Variants in SYNE1 observed in about 807,000 individuals in gnomAD.
SYNE1 encodes nesprin-1.
Under a neutral mutation model 1,111.0 loss-of-function variants are expected in SYNE1, and 616 were observed. The ratio of observed to expected loss-of-function variants is 0.55; its 90% CI spans 0.52 to 0.59. The LOEUF (loss-of-function observed/expected upper bound fraction) is 0.59, where lower values mean the gene tolerates loss of function less well. Ranked by LOEUF, SYNE1 falls within the 20% of genes least tolerant of loss-of-function variation. The probability of loss-of-function intolerance (pLI) is 0.00; values close to 1 mark genes in which losing one functional copy is unlikely to be tolerated. For synonymous variants in SYNE1, 3,855 were observed against 3,825.8 expected (o/e 1.01, Z -0.28); for missense variants, 10,006 against 10,417.0 (o/e 0.96, Z 1.72).
Position 152,456,270 on chromosome 6 carries a change from GT to G in SYNE1, c.2569-227del, listed in dbSNP as rs10714693. On this transcript the variant is annotated intron_variant, in intron 22 of 145. Coordinates refer to ENST00000367255, the MANE Select transcript of SYNE1 (RefSeq NM_182961.4). Reference sequence around the variant, plus strand: ...ATAAGGCATTTAAATGTTACAAAGAGTTTTTTTTTTTGAGATTTTTAAATAC... The same window carrying G: ...ATAAGGCATTTAAATGTTACAAAGAGTTTTTTTTTTGAGATTTTTAAATAC... Among the ~76,000 whole-genome samples, 75,087 of 148,588 alleles carry G rather than the reference GT, an allele frequency of 0.51. 19,862 individuals are homozygous for G. The highest frequency in any genetic ancestry group is 0.76 in the East Asian group (3,862 of 5,088).
intron 2 of SYNE1, among the ~76,000 whole-genome samples, 157 bp downstream of exon 2, chr6:152,636,481 C>A (rs1025513060): frequency 2.6e-5 from 4 of 152,172 alleles, no homozygotes; most frequent in African/African-American, 9.6e-5. Flanking sequence ...CACGTACACA[C>A]ATCACTGCCA....
At chr6:152,517,219 T>C (rs1247282685) in intron 6 of SYNE1, among the ~76,000 whole-genome samples, 2 of 152,238 alleles carry the variant, frequency 1.3e-5, no homozygotes, top group African/African-American at 4.8e-5. Flanking sequence ...TAGAAAGTCA[T>C]CAATTATGCA....
chr6:152,373,150 T>A lies in SYNE1; in HGVS notation c.9394A>T (p.Ser3132Cys), dbSNP rs138481762. 3 of 1,614,002 alleles carry A rather than the reference T, an allele frequency of 1.9e-6. No homozygotes were observed. Among genetic ancestry groups the A allele is most frequent in the Admixed American group, 3.3e-5 (2 of 60,002 alleles). ...GCTTTCTCTTTGGTCAGCAGGGTAC[T>A]CAGAAGTTCCCCTTTAGACAGCATC... ...NMMLSKGELL[S>C]TLLTKEKAKG... Residue 3132 changes from serine to cysteine, a missense_variant, in exon 59 of 146, where the codon AGT (serine) becomes TGT (cysteine). Physicochemically the swap from Ser to Cys is moderately radical, Grantham distance 112. Around this residue, in one of 7 missense-constraint regions of SYNE1, gnomAD observed 4,955 missense variants for 5,017.2 expected, o/e 0.99. Coordinates refer to ENST00000367255, the MANE Select transcript of SYNE1 (RefSeq NM_182961.4).
intron 98 of SYNE1, among the ~76,000 whole-genome samples, chr6:152,271,464 T>C (rs774093512): frequency 3.9e-5 from 6 of 152,050 alleles, no homozygotes; most frequent in Non-Finnish European, 7.4e-5. Context: ...GGTGCAATGG[T>C]CTAATATATG....
intron 5 of SYNE1, 30 bp downstream of exon 5, chr6:152,526,050 A>G: frequency 6.3e-7 from 1 of 1,597,060 alleles, no homozygotes; most frequent in Non-Finnish European, 8.6e-7. Context: ...AAACAATTTG[A>G]CAAGTATGAT....
In SYNE1 at chr6:152,512,221, T is replaced by C. The variant is rs889459184; in HGVS notation, c.310-1118A>G. On this transcript the variant is annotated intron_variant, in intron 6 of 145. Coordinates refer to ENST00000367255, the MANE Select transcript of SYNE1 (RefSeq NM_182961.4). The stretch of plus-strand genomic sequence containing the variant: ...AAAAATCATTGTAAATGATTTGAGA[T>C]ATACCTATGGGATTTTTGTCTCACT... 2.6e-5 allele frequency among the ~76,000 whole-genome samples: 4 copies of C among 152,190 alleles called. No individual in the cohort carries two copies. In the East Asian group the frequency reaches 7.7e-4, roughly 29 times the overall value.
chr6:152,146,607 T>C (rs955190774), intron 137 of SYNE1: 2 of 152,180 alleles, frequency 1.3e-5, no homozygotes, highest in Non-Finnish European at 2.9e-5. Context: ...AGAGAAATCA[T>C]TTTCTTTTTA....
intron 3 of SYNE1, among the ~76,000 whole-genome samples, chr6:152,548,393 G>T (rs2128108937): frequency 6.6e-6 from 1 of 152,272 alleles, no homozygotes; most frequent in South Asian, 2.1e-4. Context: ...GTGGCTCACT[G>T]GATTTCAGAA....
chr6:152,550,790 A>C (rs2099341855), intron 3 of SYNE1, among the ~76,000 whole-genome samples: 1 of 152,164 alleles, frequency 6.6e-6, no homozygotes. Flanking sequence ...ATTGAGAGTG[A>C]ACCATAATAA....
At chr6:152,224,760 T>C (rs879015398) in intron 116 of SYNE1, 96 bp from the exon 117 acceptor site, 1 of 1,265,184 alleles carries the variant, frequency 7.9e-7, no homozygotes. Flanking sequence ...TCTAAGAACT[T>C]CATCAGGGTT....
rs944485518 is a variant in SYNE1 at position 152,218,388 on chromosome 6, A to C, written c.22060T>G (p.Tyr7354Asp). 4.3e-6 allele frequency: 7 copies of C among 1,613,976 alleles called. No homozygotes were observed. Among genetic ancestry groups the C allele is most frequent in the Non-Finnish European group, 5.9e-6 (7 of 1,179,962 alleles). ...QTSLQAGVLD[Y>D]ETFAKSLEAL... ...TCTAAACTCTTGGCAAAGGTTTCATAATCAAGAACTCCAGCCTTTTTTTCC... is the reference window on the plus strand; with the variant it reads ...TCTAAACTCTTGGCAAAGGTTTCATCATCAAGAACTCCAGCCTTTTTTTCC... The change falls in exon 121 of 146, where the codon TAT (tyrosine) becomes GAT (aspartate). Residue 7354 changes from tyrosine (Y) to aspartate (D), a missense_variant. Around this residue, in one of 7 missense-constraint regions of SYNE1, gnomAD observed 2,182 missense variants for 2,287.8 expected, o/e 0.95. Coordinates refer to ENST00000367255, the MANE Select transcript of SYNE1 (RefSeq NM_182961.4).
chr6:152,204,859 A>C (rs796498784), intron 126 of SYNE1, among the ~76,000 whole-genome samples: 12 of 152,334 alleles, frequency 7.9e-5, no homozygotes, highest in African/African-American at 2.9e-4. Context: ...TGCCTTATTA[A>C]GTCTTGGAAA....
At position 152,330,114 on chromosome 6, in the gene SYNE1, C is replaced by T. The variant is rs1327323805; in HGVS notation, c.14571G>A (p.Gln4857=). The change falls in exon 78 of 146, where the codon CAG becomes CAA. Residue 4857 remains glutamine (Q), a synonymous_variant. Coordinates refer to ENST00000367255, the MANE Select transcript of SYNE1 (RefSeq NM_182961.4). ...TTAACTCCCCTTGCCAGGACTGGAT[C>T]TGATGCCTGGCTTTCTCATAAGCCA... ...DPLAYEKARH[Q]IQSWQGELKL... 7 of 1,614,202 alleles carry T rather than the reference C, an allele frequency of 4.3e-6. No individual in the cohort carries two copies. Among genetic ancestry groups the T allele is most frequent in the Admixed American group, 1.7e-5 (1 of 60,020 alleles).
chr6:152,298,550 CA>C (rs2095005733), intron 93 of SYNE1, among the ~76,000 whole-genome samples: 1 of 151,692 alleles, frequency 6.6e-6, no homozygotes, highest in African/African-American at 2.4e-5. Flanking sequence ...GCAGGAACAG[CA>C]GGCACAAAAC....
At chr6:152,567,179 G>A (rs1029476179) in intron 3 of SYNE1, among the ~76,000 whole-genome samples, 2 of 151,844 alleles carry the variant, frequency 1.3e-5, no homozygotes, top group Non-Finnish European at 2.9e-5. Context: ...TTCACTTAGC[G>A]CAAGTCTTCT....
intron 145 of SYNE1, among the ~76,000 whole-genome samples, chr6:152,124,387 G>GA: frequency 6.6e-6 from 1 of 152,160 alleles, no homozygotes; most frequent in East Asian, 1.9e-4. Flanking sequence ...GTGGTGTAAG[G>GA]AAAAATCAAA....
chr6:152,325,128 T>G lies in SYNE1; in HGVS notation c.15613A>C (p.Ile5205Leu). The G allele has an allele frequency of 6.2e-7, 1 of 1,614,222 alleles. No individual in the cohort carries two copies. Among genetic ancestry groups the G allele is most frequent in the Non-Finnish European group, 8.5e-7 (1 of 1,180,046 alleles). Reference protein sequence around the residue: ...LRAVAQDQEKILEDAVDEWTG... With the variant: ...LRAVAQDQEKLLEDAVDEWTG... ...CACTCATCCACTGCATCTTCCAGGA[T>G]CTTCTCCTGGTCCTGGGCCACAGCT... Residue 5205 changes from isoleucine (I) to leucine (L), a missense_variant, in exon 81 of 146, where the codon ATC (isoleucine) becomes CTC (leucine). Physicochemically the swap from Ile to Leu is conservative, Grantham distance 5. Around this residue, in one of 7 missense-constraint regions of SYNE1, gnomAD observed 4,955 missense variants for 5,017.2 expected, o/e 0.99. Transcript: ENST00000367255.
chr6:152,165,079 C>T (rs748628027), intron 130 of SYNE1, among the ~76,000 whole-genome samples: 39 of 145,468 alleles, frequency 2.7e-4, no homozygotes, highest in Non-Finnish European at 5.5e-4. Flanking sequence ...CGCGCCCCCT[C>T]CCCCACCCCC....
intron 4 of SYNE1, among the ~76,000 whole-genome samples, chr6:152,531,407 A>T (rs2099200705): frequency 6.6e-6 from 1 of 152,180 alleles, no homozygotes; most frequent in African/African-American, 2.4e-5. Context: ...GTGGATAGTG[A>T]TCAGGTTCAG....
Sources: gnomAD v4.1 joint callset for allele counts (sites outside exome capture counted in the v4.1 genomes callset) on GRCh38, gnomAD v4.1.1 for gene constraint, gnomAD v4.1.1 regional missense constraint, MANE v1.5 for transcripts, NCBI Gene and HGNC (gene_info 2026-07-23, HGNC 2026-07-21) for gene names.